CTNNA2: variants seen among roughly 807,000 people sequenced by gnomAD.
CTNNA2 encodes the protein catenin alpha-2.
Under a neutral mutation model 101.0 loss-of-function variants are expected in CTNNA2, and 42 were observed. The observed-to-expected ratio is 0.42, with a 90% CI of 0.32 to 0.54. The LOEUF (loss-of-function observed/expected upper bound fraction) is 0.54. Ranked by LOEUF, CTNNA2 falls within the 20% of genes least tolerant of loss-of-function variation. The pLI is 0.14. For synonymous variants in CTNNA2, 450 were observed against 456.4 expected, an observed-to-expected ratio of 0.99 and a Z score of 0.18; for missense variants, 871 against 1,223.1, an observed-to-expected ratio of 0.71 and a Z score of 4.29.
chr2:79,845,994 A>G (rs1227500107), intron 3 of CTNNA2, among the ~76,000 whole-genome samples: 1 of 151,832 alleles, frequency 6.6e-6, no homozygotes, highest in Non-Finnish European at 1.5e-5. Flanking sequence ...ATGGAAAATC[A>G]GTGGTAGGTC....
Position 80,574,154 on chromosome 2 carries a change from T to C in CTNNA2, c.1742-9T>C, listed in dbSNP as rs1244570135. The C allele has an allele frequency of 6.2e-7, 1 of 1,607,422 alleles. No homozygotes were observed. The highest frequency in any genetic ancestry group is 1.3e-5 in the African/African-American group (1 of 74,792). On this transcript the variant is annotated splice_polypyrimidine_tract_variant and intron_variant, in intron 12 of 18. Coordinates refer to ENST00000402739, the MANE Select transcript of CTNNA2 (RefSeq NM_001282597.3). ...TTGCCTAATCCTCTGCTTTTTATTT[T>C]TAACCCAGTGATGCCACGCTTCGCT...
chr2:80,498,165 C>G (rs1033252280), intron 9 of CTNNA2, among the ~76,000 whole-genome samples: 1 of 152,094 alleles, frequency 6.6e-6, no homozygotes, highest in Admixed American at 6.6e-5. Flanking sequence ...ACAACCACAC[C>G]CCAAGTTGTT....
intron 1 of CTNNA2, among the ~76,000 whole-genome samples, chr2:79,185,974 G>A (rs1673774196): frequency 6.6e-6 from 1 of 152,168 alleles, no homozygotes; most frequent in Non-Finnish European, 1.5e-5. Context: ...CATGTGTTTG[G>A]TAAGTTAGGA....
At chr2:80,205,933 C>T (rs1388738453) in intron 7 of CTNNA2, among the ~76,000 whole-genome samples, 1 of 152,132 alleles carries the variant, frequency 6.6e-6, no homozygotes, top group Non-Finnish European at 1.5e-5. Flanking sequence ...CAGGACAATG[C>T]ATTTAAAACA....
intron 7 of CTNNA2, among the ~76,000 whole-genome samples, chr2:80,194,133 G>A (rs2149002817): frequency 6.6e-6 from 1 of 152,240 alleles, no homozygotes; most frequent in Non-Finnish European, 1.5e-5. Flanking sequence ...AGTGTAATTA[G>A]TGCCCTCAGC....
intron 1 of CTNNA2, among the ~76,000 whole-genome samples, chr2:79,550,569 A>C (rs1674035045): frequency 6.6e-6 from 1 of 152,234 alleles, no homozygotes; most frequent in East Asian, 1.9e-4. Context: ...TGAGAAGGCC[A>C]AATATTAAAA....
At chr2:80,364,233 CTA>C (rs1674687978) in intron 7 of CTNNA2, among the ~76,000 whole-genome samples, 1 of 151,950 alleles carries the variant, frequency 6.6e-6, no homozygotes, top group African/African-American at 2.4e-5. Context: ...GCTGTTTTGC[CTA>C]TGATTCTCTT....
intron 7 of CTNNA2, among the ~76,000 whole-genome samples, chr2:80,037,086 G>A (rs928098150): frequency 1.7e-4 from 26 of 152,254 alleles, no homozygotes; most frequent in African/African-American, 6.3e-4. Context: ...TCAAAGATAC[G>A]AATATGAGGA....
chr2:80,382,300 T>A (rs1326109587), intron 7 of CTNNA2, among the ~76,000 whole-genome samples: 1 of 152,196 alleles, frequency 6.6e-6, no homozygotes, highest in Non-Finnish European at 1.5e-5. Context: ...AACTTCAGTT[T>A]CAAGGAAATG....
intron 7 of CTNNA2, among the ~76,000 whole-genome samples, chr2:79,917,113 C>T (rs1344163597): frequency 6.6e-6 from 1 of 151,574 alleles, no homozygotes; most frequent in Non-Finnish European, 1.5e-5. Context: ...TGCTTTGTGG[C>T]CAGGCTGTAG....
chr2:80,059,681 C>T (rs1369989063), intron 7 of CTNNA2, among the ~76,000 whole-genome samples: 3 of 152,148 alleles, frequency 2.0e-5, no homozygotes, highest in Non-Finnish European at 4.4e-5. Flanking sequence ...AAGACAGTGG[C>T]GGCACCCACA....
At chr2:79,630,954 A>T (rs1679649484) in intron 1 of CTNNA2, among the ~76,000 whole-genome samples, 2 of 150,328 alleles carry the variant, frequency 1.3e-5, no homozygotes. Context: ...TTAGATAACA[A>T]TTTCCACTTC....
intron 2 of CTNNA2, among the ~76,000 whole-genome samples, chr2:79,741,783 A>G (rs1476273152): frequency 6.6e-6 from 1 of 152,098 alleles, no homozygotes. Flanking sequence ...CATATTCTCT[A>G]TAAGATGTAA....
intron 13 of CTNNA2, chr2:80,576,403 T>C (rs1352712622): frequency 7.4e-6 from 1 of 135,998 alleles, no homozygotes; most frequent in Non-Finnish European, 1.6e-5. Context: ...TTCCTGAGGC[T>C]TGTCCATTGG....
intron 7 of CTNNA2, among the ~76,000 whole-genome samples, chr2:80,263,085 A>G (rs986440702): frequency 4.6e-5 from 7 of 152,192 alleles, no homozygotes; most frequent in Non-Finnish European, 1.0e-4. Flanking sequence ...GTGATGGGGC[A>G]TGGGGGGTAG....
chr2:79,476,998 C>G (rs1464688507), intron 4 of CTNNA2, among the ~76,000 whole-genome samples: 4 of 152,134 alleles, frequency 2.6e-5, no homozygotes, highest in African/African-American at 9.7e-5. Flanking sequence ...TAGACTACTA[C>G]CTTCAAGATA....
intron 4 of CTNNA2, among the ~76,000 whole-genome samples, chr2:79,473,806 A>G (rs1327775726): frequency 6.6e-6 from 1 of 152,204 alleles, no homozygotes; most frequent in African/African-American, 2.4e-5. Flanking sequence ...ATCTACTGAG[A>G]TAAAGAATGC....
chr2:79,737,184 C>T (rs1558884500), intron 2 of CTNNA2, among the ~76,000 whole-genome samples: 1 of 152,036 alleles, frequency 6.6e-6, no homozygotes, highest in Non-Finnish European at 1.5e-5. Flanking sequence ...CCCGTCTCTA[C>T]TAAAAATACA....
Position 80,531,000 on chromosome 2 carries a change from G to T in CTNNA2, c.1291-13982G>T, listed in dbSNP as rs190980044. On this transcript the variant is annotated intron_variant, in intron 9 of 18. Transcript: ENST00000402739. ...AGCTCAGGTAAGATGGAGTGAACAG[G>T]TTTGAGGGGTTGAGCTTGGAAAGAG... Among the ~76,000 whole-genome samples, 7 of 152,322 alleles carry T rather than the reference G, an allele frequency of 4.6e-5. No individual in the cohort carries two copies. The East Asian group carries it at 1.2e-3, about 25-fold the overall frequency.
Sources: allele counts gnomAD v4.1 joint callset (sites outside exome capture counted in the v4.1 genomes callset), GRCh38; gene constraint gnomAD v4.1.1; transcripts MANE v1.5; gene names NCBI Gene and HGNC (gene_info 2026-07-23, HGNC 2026-07-21).